GRM8: variants seen among roughly 807,000 people sequenced by gnomAD.
GRM8 encodes the protein metabotropic glutamate receptor 8.
GRM8 carries 47 observed loss-of-function variants against 87.2 expected under a neutral mutation model. That is an observed-to-expected ratio of 0.54 (90% CI 0.43 to 0.69). GRM8 has a LOEUF of 0.69. GRM8 is among the 30% of genes least tolerant of loss of function. The pLI is 0.00. For missense variants in GRM8, 1,019 were observed against 1,139.2 expected, an observed-to-expected ratio of 0.89 and a Z score of 1.52; for synonymous variants, 396 against 404.5, an observed-to-expected ratio of 0.98 and a Z score of 0.25.
At chr7:126,763,680 A>C (rs143735584) in intron 7 of GRM8, among the ~76,000 whole-genome samples, 3 of 93,494 alleles carry the variant, frequency 3.2e-5, no homozygotes, top group African/African-American at 9.1e-5. Flanking sequence ...CATTATGCTT[A>C]AGTGTTAAAT....
intron 3 of GRM8, among the ~76,000 whole-genome samples, chr7:127,006,832 T>A (rs1017475369): frequency 6.6e-6 from 1 of 152,014 alleles, no homozygotes; most frequent in Non-Finnish European, 1.5e-5. Flanking sequence ...TATATACGCA[T>A]CCCCTATTTG....
intron 7 of GRM8, among the ~76,000 whole-genome samples, chr7:126,703,268 T>C (rs549723533): frequency 6.0e-4 from 92 of 152,280 alleles, no homozygotes; most frequent in Non-Finnish European, 9.6e-4. Context: ...TTCAGCTAGA[T>C]CAGAAGGTAG....
intron 6 of GRM8, among the ~76,000 whole-genome samples, chr7:126,876,732 A>G (rs1315941834): frequency 1.3e-5 from 2 of 152,196 alleles, no homozygotes; most frequent in Non-Finnish European, 2.9e-5. Context: ...AGCGTTTTCA[A>G]TGTGGCCTAA....
At chr7:126,665,911 A>G (rs1017753577) in intron 7 of GRM8, among the ~76,000 whole-genome samples, 1 of 152,126 alleles carries the variant, frequency 6.6e-6, no homozygotes, top group Non-Finnish European at 1.5e-5. Context: ...CAGATTATCA[A>G]ACAGATTTTT....
At chr7:126,910,546 T>G (rs1803177224) in intron 3 of GRM8, among the ~76,000 whole-genome samples, 1 of 152,176 alleles carries the variant, frequency 6.6e-6, no homozygotes, top group Non-Finnish European at 1.5e-5. Flanking sequence ...TAAAAGTAGA[T>G]GTCATTAAAA....
intron 3 of GRM8, among the ~76,000 whole-genome samples, chr7:126,996,666 A>C (rs1813206961): frequency 6.6e-6 from 1 of 152,090 alleles, no homozygotes; most frequent in Non-Finnish European, 1.5e-5. Flanking sequence ...TCATAAAATA[A>C]ATTTAAAGAC....
At chr7:126,927,459 C>G (rs527913535) in intron 3 of GRM8, among the ~76,000 whole-genome samples, 73 of 152,154 alleles carry the variant, frequency 4.8e-4, no homozygotes, top group African/African-American at 1.7e-3. Context: ...CTTTAAAAAT[C>G]AAAGGGCTCT....
At chr7:127,068,075 T>C (rs945008682) in intron 3 of GRM8, among the ~76,000 whole-genome samples, 6 of 152,202 alleles carry the variant, frequency 3.9e-5, no homozygotes, top group African/African-American at 1.4e-4. Flanking sequence ...TACCATGATA[T>C]GGTGAGCCTT....
intron 8 of GRM8, among the ~76,000 whole-genome samples, chr7:126,549,410 C>A (rs948683347): frequency 2.0e-5 from 3 of 152,056 alleles, no homozygotes; most frequent in Non-Finnish European, 4.4e-5. Context: ...CCACCCCTGA[C>A]AAAATCATCT....
chr7:126,715,664 G>A (rs149011201), intron 7 of GRM8, among the ~76,000 whole-genome samples: 6 of 151,874 alleles, frequency 4.0e-5, no homozygotes, highest in Non-Finnish European at 8.8e-5. Flanking sequence ...AAAAAAATTC[G>A]TGGATAAATG....
intron 6 of GRM8, among the ~76,000 whole-genome samples, chr7:126,772,849 T>A (rs1818995691): frequency 6.6e-6 from 1 of 152,056 alleles, no homozygotes; most frequent in Admixed American, 6.6e-5. Flanking sequence ...ACACGAAAGA[T>A]CTGCAAATAA....
chr7:126,753,374 A>C (rs2151549189), intron 7 of GRM8, among the ~76,000 whole-genome samples: 1 of 139,724 alleles, frequency 7.2e-6, no homozygotes, highest in African/African-American at 2.6e-5. Flanking sequence ...GAATATACGC[A>C]CGCACACACA....
chr7:126,691,980 A>G, intron 7 of GRM8, among the ~76,000 whole-genome samples: 1 of 152,206 alleles, frequency 6.6e-6, no homozygotes, highest in Admixed American at 6.5e-5. Context: ...TCTGAGCATG[A>G]AGGACTGTAT....
chr7:126,570,417 C>T (rs1212704541), intron 8 of GRM8, among the ~76,000 whole-genome samples: 2 of 152,116 alleles, frequency 1.3e-5, no homozygotes, highest in Non-Finnish European at 2.9e-5. Flanking sequence ...AGCATTAAGC[C>T]ACTCCAGCTG....
At chr7:126,669,344 T>A (rs565315826) in intron 7 of GRM8, among the ~76,000 whole-genome samples, 74 of 151,160 alleles carry the variant, frequency 4.9e-4, no homozygotes, top group African/African-American at 1.1e-3. Context: ...TAAAAATTTT[T>A]AAAAAAAAGT....
intron 6 of GRM8, among the ~76,000 whole-genome samples, chr7:126,812,165 A>T (rs1315248349): frequency 6.6e-6 from 1 of 152,094 alleles, no homozygotes. Flanking sequence ...TAATACAAAT[A>T]AAAAATACAG....
chr7:126,980,965 A>C (rs907321803), intron 3 of GRM8: 2 of 152,220 alleles, frequency 1.3e-5, no homozygotes, highest in African/African-American at 4.8e-5. Context: ...TCACCCCTGA[A>C]AATGTACACC....
intron 3 of GRM8, among the ~76,000 whole-genome samples, chr7:126,991,605 G>A (rs1812661200): frequency 6.6e-6 from 1 of 152,082 alleles, no homozygotes; most frequent in African/African-American, 2.4e-5. Context: ...AATAGATTAA[G>A]ATTGTTAAAA....
intron 8 of GRM8, among the ~76,000 whole-genome samples, chr7:126,582,183 G>A (rs1795675962): frequency 7.3e-6 from 1 of 136,980 alleles, no homozygotes; most frequent in South Asian, 2.5e-4. Flanking sequence ...AAAATAAAAA[G>A]TTCTACTCCA....
Sources: allele counts gnomAD v4.1 joint callset (sites outside exome capture counted in the v4.1 genomes callset), GRCh38; gene constraint gnomAD v4.1.1; transcripts MANE v1.5; gene names NCBI Gene and HGNC (gene_info 2026-07-23, HGNC 2026-07-21).